The following CSMD1 variants were observed in gnomAD, a reference collection of about 807,000 sequenced individuals.
CSMD1 encodes CUB and sushi domain-containing protein 1.
CSMD1 carries 213 observed loss-of-function variants against 417.5 expected under a neutral mutation model. The ratio of observed to expected loss-of-function variants is 0.51; its 90% CI spans 0.46 to 0.57. The LOEUF is 0.57. CSMD1 is among the 20% of genes least tolerant of loss of function. The probability of loss-of-function intolerance (pLI) is 0.00; values close to 1 mark genes in which losing one functional copy is unlikely to be tolerated. For missense variants in CSMD1, 6,923 were observed against 4,529.7 expected, an observed-to-expected ratio of 1.53 and a Z score of -15.17; for synonymous variants, 2,862 against 1,736.8, an observed-to-expected ratio of 1.65 and a Z score of -16.11.
rs1467624538 is a variant in CSMD1, at chr8:3,912,930, G to C, written c.818+84973C>G. The stretch of plus-strand genomic sequence containing the variant: ...GCAGCTATGGTGGTCATTCAGGTAA[G>C]AGAACACAGGGTGTGAACATGGATT... On this transcript the variant is annotated intron_variant, in intron 5 of 69. Transcript: ENST00000635120. Among the ~76,000 whole-genome samples, 64 of 152,194 alleles carry C rather than the reference G, an allele frequency of 4.2e-4. 1 individual carries two copies. Among genetic ancestry groups the C allele is most frequent in the Admixed American group, 4.2e-3 (64 of 15,286 alleles).
At chr8:4,701,705 G>C (rs115893070) in intron 1 of CSMD1, among the ~76,000 whole-genome samples, 5 of 152,036 alleles carry the variant, frequency 3.3e-5, no homozygotes, top group African/African-American at 1.2e-4. Flanking sequence ...AAGTAGAGTG[G>C]TGACAAATCA....
chr8:4,804,225 G>A (rs956345930), intron 1 of CSMD1, among the ~76,000 whole-genome samples: 1 of 152,060 alleles, frequency 6.6e-6, no homozygotes, highest in African/African-American at 2.4e-5. Flanking sequence ...AACTAGATGA[G>A]TTAAAATACA....
chr8:3,220,268 T>C (rs1460097897), intron 28 of CSMD1, among the ~76,000 whole-genome samples: 3 of 152,192 alleles, frequency 2.0e-5, no homozygotes, highest in African/African-American at 7.2e-5. Flanking sequence ...ATCCCAGTTT[T>C]TTTTCTCTGT....
chr8:3,027,333 G>A (rs185773098), intron 51 of CSMD1, among the ~76,000 whole-genome samples: 2 of 152,172 alleles, frequency 1.3e-5, no homozygotes, highest in East Asian at 3.9e-4. Flanking sequence ...AGGGCTTTTT[G>A]GAGAACAATG....
At chr8:4,158,152 C>G (rs573167819) in intron 3 of CSMD1, among the ~76,000 whole-genome samples, 1 of 151,258 alleles carries the variant, frequency 6.6e-6, no homozygotes, top group African/African-American at 2.4e-5. Context: ...ACCATTCTCC[C>G]TACGGCCTTC....
intron 7 of CSMD1, among the ~76,000 whole-genome samples, chr8:3,697,695 C>T (rs1043959338): frequency 3.3e-5 from 5 of 151,960 alleles, no homozygotes; most frequent in African/African-American, 9.7e-5. Flanking sequence ...TTGCCTCATC[C>T]AATTACATAG....
intron 2 of CSMD1, among the ~76,000 whole-genome samples, chr8:4,432,008 AT>A (rs1309595929): frequency 6.6e-6 from 1 of 152,202 alleles, no homozygotes; most frequent in East Asian, 1.9e-4. Flanking sequence ...TTGTCAATGT[AT>A]TCTCAAAAGG....
intron 3 of CSMD1, among the ~76,000 whole-genome samples, chr8:4,079,378 C>G (rs1052738678): frequency 1.3e-5 from 2 of 152,138 alleles, no homozygotes; most frequent in African/African-American, 4.8e-5. Context: ...TGTAATCAGG[C>G]ATTCTATTCA....
At chr8:4,267,564 C>T (rs1218036084) in intron 3 of CSMD1, among the ~76,000 whole-genome samples, 1 of 151,828 alleles carries the variant, frequency 6.6e-6, no homozygotes, top group Non-Finnish European at 1.5e-5. Context: ...TAGCAATGGT[C>T]ACTGACACAA....
chr8:3,988,514 A>T (rs1814503551), intron 5 of CSMD1, among the ~76,000 whole-genome samples: 1 of 152,244 alleles, frequency 6.6e-6, no homozygotes, highest in African/African-American at 2.4e-5. Flanking sequence ...GAGCTGAACG[A>T]TTGTCAGAAA....
rs577171609 is a variant in CSMD1 at position 4,960,172 on chromosome 8, A to T, written c.85+34160T>A. Among the ~76,000 whole-genome samples the T allele has an allele frequency of 5.9e-4, 90 of 152,322 alleles. 2 individuals are homozygous for T. The highest frequency in any genetic ancestry group is 6.8e-3 in the Middle Eastern group (2 of 294). On this transcript the variant is annotated intron_variant, in intron 1 of 69. Coordinates refer to ENST00000635120, the MANE Select transcript of CSMD1 (RefSeq NM_033225.6). ...ACTAGACCCACAAAACTCTTTTTCA[A>T]TATTTCTAAAGATCACTGTCTCAGG... is the stretch of plus-strand genomic sequence containing the variant.
At chr8:4,124,895 T>C (rs1802676254) in intron 3 of CSMD1, among the ~76,000 whole-genome samples, 1 of 152,098 alleles carries the variant, frequency 6.6e-6, no homozygotes. Context: ...GGAGGGGTTA[T>C]AAGGAGATAT....
chr8:4,859,068 A>C (rs969896982), intron 1 of CSMD1, among the ~76,000 whole-genome samples: 20 of 152,136 alleles, frequency 1.3e-4, no homozygotes, highest in African/African-American at 4.8e-4. Flanking sequence ...CAAAACAGAG[A>C]TATAGATCAA....
At chr8:4,016,601 T>C (rs1016700597) in intron 4 of CSMD1, among the ~76,000 whole-genome samples, 3 of 152,190 alleles carry the variant, frequency 2.0e-5, no homozygotes, top group South Asian at 2.1e-4. Context: ...TTTCCCCAGA[T>C]GAGGAAAATT....
At chr8:4,017,435 T>A (rs953453985) in intron 4 of CSMD1, among the ~76,000 whole-genome samples, 2 of 152,092 alleles carry the variant, frequency 1.3e-5, no homozygotes, top group African/African-American at 4.8e-5. Flanking sequence ...TCTTCCTGAG[T>A]AGCTAGGATT....
At chr8:3,911,459 C>T (rs1190915007) in intron 5 of CSMD1, among the ~76,000 whole-genome samples, 5 of 150,528 alleles carry the variant, frequency 3.3e-5, no homozygotes, top group South Asian at 2.1e-4. Flanking sequence ...ACCCGCGAGG[C>T]GGAGCCTGCA....
chr8:3,252,853 G>C (rs1800375082), intron 26 of CSMD1, among the ~76,000 whole-genome samples: 1 of 152,148 alleles, frequency 6.6e-6, no homozygotes, highest in Admixed American at 6.5e-5. Context: ...TTTGCATAGA[G>C]GTGTTTATAG....
intron 1 of CSMD1, among the ~76,000 whole-genome samples, chr8:4,839,747 C>G (rs897013464): frequency 6.6e-6 from 1 of 152,070 alleles, no homozygotes; most frequent in Non-Finnish European, 1.5e-5. Context: ...TTAATAGCCT[C>G]GAATTTTAAA....
At chr8:3,905,071 T>C (rs1429784294) in intron 5 of CSMD1, among the ~76,000 whole-genome samples, 1 of 152,190 alleles carries the variant, frequency 6.6e-6, no homozygotes, top group Non-Finnish European at 1.5e-5. Flanking sequence ...CCATAGGACC[T>C]ATGTGTATCC....
Sources: allele counts gnomAD v4.1 joint callset (sites outside exome capture counted in the v4.1 genomes callset), GRCh38; gene constraint gnomAD v4.1.1; transcripts MANE v1.5; gene names NCBI Gene and HGNC (gene_info 2026-07-23, HGNC 2026-07-21).